ANXA7: variants seen among roughly 807,000 people sequenced by gnomAD.
The protein encoded by ANXA7 is annexin VII.
A neutral mutation model predicts 64.9 loss-of-function variants in ANXA7; 55 were observed. That is an observed-to-expected ratio of 0.85 (90% CI 0.68 to 1.06). The LOEUF is 1.06. Among genes scored for constraint, ANXA7 ranks in the 50% least tolerant of loss-of-function variants. The pLI, the probability that ANXA7 is intolerant of heterozygous loss-of-function variation, is 0.00. For synonymous variants in ANXA7, 200 were observed against 192.4 expected, an observed-to-expected ratio of 1.04 and a Z score of -0.33; for missense variants, 548 against 582.1, an observed-to-expected ratio of 0.94 and a Z score of 0.60.
chr10:73,408,239 G>A (rs1228715064), intron 1 of ANXA7: 1 of 151,972 alleles, frequency 6.6e-6, no homozygotes, highest in African/African-American at 2.4e-5. Flanking sequence ...AGAATTGCTT[G>A]AGGCCAGGAG....
intron 1 of ANXA7, 81 bp from the exon 2 acceptor site, chr10:73,400,938 C>CAAAA: frequency 7.2e-6 from 9 of 1,252,550 alleles, no homozygotes; most frequent in Non-Finnish European, 7.7e-6. Flanking sequence ...GACGGAGTCT[C>CAAAA]ACTCTGTCAC....
At chr10:73,378,112 C>T (rs1025414693) in intron 12 of ANXA7, among the ~76,000 whole-genome samples, 1 of 151,690 alleles carries the variant, frequency 6.6e-6, no homozygotes, top group East Asian at 2.0e-4. Flanking sequence ...TGGTGGCTCA[C>T]GCCTGTGATC....
At chr10:73,390,263 G>T in intron 5 of ANXA7, among the ~76,000 whole-genome samples, 1 of 152,140 alleles carries the variant, frequency 6.6e-6, no homozygotes, top group Non-Finnish European at 1.5e-5. Context: ...ACCAGCATTT[G>T]TGGGGGCAAA....
rs771810905 is a variant in ANXA7, at chr10:73,398,337, G to A, written c.103C>T (p.Pro35Ser). Residue 35 changes from proline to serine, a missense_variant, in exon 3 of 13, where the codon CCT becomes TCT. By Grantham distance (74) the Pro-to-Ser change is moderately conservative. Transcript: ENST00000372921. Reference protein sequence around the residue: ...SFPPSGQYPYPSGFPPMGGGA... With the variant: ...SFPPSGQYPYSSGFPPMGGGA... ...CCTCCCATTGGAGGAAAGCCACTAG[G>A]ATAAGGATACTGACCAGAAGGGGGA... is the stretch of plus-strand genomic sequence containing the variant. 4 of 1,614,066 alleles carry A rather than the reference G, an allele frequency of 2.5e-6. No homozygotes were observed. The highest frequency in any genetic ancestry group is 3.4e-6 in the Non-Finnish European group (4 of 1,180,018).
Position 73,379,029 on chromosome 10 carries a change from A to G in ANXA7, c.1166-6T>C. 1 of 1,586,952 alleles carries G rather than the reference A, an allele frequency of 6.3e-7. No homozygotes were observed. The highest frequency in any genetic ancestry group is 8.6e-7 in the Non-Finnish European group (1 of 1,162,846). ...GCGGTTCAGGGCACACTGCACTGCA[A>G]GTTAGAGATGGTTGAGACATGGAAT... On this transcript the variant is annotated splice_polypyrimidine_tract_variant and splice_region_variant and intron_variant, in intron 11 of 12. Transcript: ENST00000372921.
In ANXA7 at chr10:73,375,417, A is replaced by C. The variant is rs1486556856; in HGVS notation, c.*678T>G. 1 of 152,234 alleles carries C rather than the reference A, an allele frequency of 6.6e-6. No homozygotes were observed. The highest frequency in any genetic ancestry group is 1.9e-4 in the East Asian group (1 of 5,196). The allele number at this position is 152,234 out of a possible 1,614,324, so 9.4% of individuals were successfully genotyped here. A position where few individuals can be genotyped will look rare whatever the true frequency, so the allele number is the denominator to read the frequency against. ...GAATCATTACACAAGGAATGCTGATATCAAAACACCATATTGTACACCTTA... is the reference window on the plus strand; with the variant it reads ...GAATCATTACACAAGGAATGCTGATCTCAAAACACCATATTGTACACCTTA... On this transcript the variant is annotated 3_prime_UTR_variant, in exon 13 of 13. Transcript: ENST00000372921.
chr10:73,395,506 G>A (rs1368690599), intron 5 of ANXA7, among the ~76,000 whole-genome samples: 3 of 152,164 alleles, frequency 2.0e-5, no homozygotes, highest in Non-Finnish European at 2.9e-5. Context: ...AAGCCAGGCC[G>A]TGCGTGGTGG....
intron 1 of ANXA7, chr10:73,408,348 A>G (rs2055790525): frequency 6.6e-6 from 1 of 152,002 alleles, no homozygotes; most frequent in South Asian, 2.1e-4. Context: ...AAAGAAAAAG[A>G]AAAGTAGATA....
chr10:73,397,743 A>C (rs9971111), intron 3 of ANXA7, among the ~76,000 whole-genome samples: 23,010 of 152,166 alleles, frequency 0.15, 2,844 homozygotes, highest in African/African-American at 0.32. Flanking sequence ...CAGGTGTGAG[A>C]CACCACACCC....
intron 1 of ANXA7, among the ~76,000 whole-genome samples, chr10:73,412,327 G>A (rs930007954): frequency 1.3e-5 from 2 of 152,112 alleles, no homozygotes; most frequent in African/African-American, 2.4e-5. Flanking sequence ...CAGCCACTGC[G>A]CCCGGCCGAG....
intron 7 of ANXA7, among the ~76,000 whole-genome samples, chr10:73,386,503 T>C (rs2055372745): frequency 6.6e-6 from 1 of 152,110 alleles, no homozygotes; most frequent in Non-Finnish European, 1.5e-5. Flanking sequence ...AGCAGCTAAA[T>C]TCTGTCCAGA....
intron 3 of ANXA7, among the ~76,000 whole-genome samples, chr10:73,397,596 T>C (rs1415988450): frequency 6.6e-6 from 1 of 152,170 alleles, no homozygotes; most frequent in Non-Finnish European, 1.5e-5. Flanking sequence ...TAGGTGGGAT[T>C]ACAGGCATGC....
In ANXA7 at chr10:73,375,446, A is replaced by G. The variant is rs563813811; in HGVS notation, c.*649T>C. ...AAACACCATATTGTACACCTTAAAT[A>G]TATGCAATTTTTTATTTGTCATAAC... is the stretch of plus-strand genomic sequence containing the variant. On this transcript the variant is annotated 3_prime_UTR_variant, in exon 13 of 13. Coordinates refer to ENST00000372921, the MANE Select transcript of ANXA7 (RefSeq NM_001156.5). 4 of 152,326 alleles carry G rather than the reference A, an allele frequency of 2.6e-5. No homozygotes were observed. The highest frequency in any genetic ancestry group is 9.6e-5 in the African/African-American group (4 of 41,582). The allele number at this position is 152,326 out of a possible 1,614,324, so 9.4% of individuals were successfully genotyped here.
At position 73,398,385 on chromosome 10, in the gene ANXA7, G is replaced by C. The variant is rs756645622; in HGVS notation, c.55C>G (p.Pro19Ala). Residue 19 changes from proline (P) to alanine (A), a missense_variant and splice_region_variant, in exon 3 of 13, where the codon CCT becomes GCT. Pro to Ala is a conservative substitution (Grantham distance 27). Transcript: ENST00000372921. ...TGYPPFPGYP[P>A]AGQESSFPPS... is the part of the protein sequence containing the mutation. Reference sequence around the variant, plus strand: ...GGAAAAGATGACTCCTGACCTGCAGGCTGAAAAATCAGAATAATTTTTAAA... The same window carrying C: ...GGAAAAGATGACTCCTGACCTGCAGCCTGAAAAATCAGAATAATTTTTAAA... 8.7e-6 allele frequency: 14 copies of C among 1,607,818 alleles called. No individual in the cohort carries two copies. The highest frequency in any genetic ancestry group is 1.7e-4 in the Middle Eastern group (1 of 6,058).
In ANXA7 at chr10:73,383,337, T is replaced by C. The variant is rs776259280; in HGVS notation, c.756A>G (p.Gly252=). ...TCTCAATCAATACACGTTCCTGAGT[T>C]CCTGCTCCCTACATGAAATGAAGGG... ...WSLRKAMQGA[G]TQERVLIEIL... Residue 252 remains glycine, a synonymous_variant, in exon 9 of 13, where the codon GGA becomes GGG. Coordinates refer to ENST00000372921, the MANE Select transcript of ANXA7 (RefSeq NM_001156.5). 6.2e-7 allele frequency: 1 copy of C among 1,610,378 alleles called. No individual in the cohort carries two copies. Among genetic ancestry groups the C allele is most frequent in the Non-Finnish European group, 8.5e-7 (1 of 1,177,962 alleles).
In ANXA7 at chr10:73,396,518, C is replaced by T. The variant is rs2055578089; in HGVS notation, c.435+1G>A. On this transcript the variant is annotated splice_donor_variant, in intron 5 of 12. Transcript: ENST00000372921. LOFTEE classifies it high-confidence loss of function. ...GAGCTTAAAAGGTAGGAACAAAATA[C>T]CTGACTAGGGTAAGTAGGTTGTCCT... The T allele has an allele frequency of 1.2e-6, 2 of 1,607,336 alleles. No homozygotes were observed. Among genetic ancestry groups the T allele is most frequent in the East Asian group, 2.2e-5 (1 of 44,712 alleles).
Position 73,396,567 on chromosome 10 carries a change from T to C in ANXA7, c.387A>G (p.Gly129=). The stretch of plus-strand genomic sequence containing the variant: ...CTCCAGGATACTGAGAAGGCATCTG[T>C]CCTCCAGGAAAGCCACCTATAATGT... ...QVPLPGGFPG[G]QMPSQYPGGQ... Residue 129 remains glycine (G), a synonymous_variant, in exon 5 of 13, where the codon GGA becomes GGG. Transcript: ENST00000372921. 1 of 1,610,444 alleles carries C rather than the reference T, an allele frequency of 6.2e-7. No homozygotes were observed. The highest frequency in any genetic ancestry group is 1.1e-5 in the South Asian group (1 of 90,550).
chr10:73,376,349 A>G (rs2055171937), intron 12 of ANXA7, 132 bp from the exon 13 acceptor site: 2 of 845,874 alleles, frequency 2.4e-6, no homozygotes, highest in African/African-American at 3.5e-5. Flanking sequence ...CTGACATTTT[A>G]TGGCTGGCAC....
chr10:73,390,720 A>ATATATAT (rs1491310073), intron 5 of ANXA7, among the ~76,000 whole-genome samples: 15 of 112,590 alleles, frequency 1.3e-4, no homozygotes, highest in African/African-American at 6.3e-4. Context: ...ATATATATAT[A>ATATATAT]AAAATATATA....
Sources: allele counts gnomAD v4.1 joint callset (sites outside exome capture counted in the v4.1 genomes callset), GRCh38; gene constraint gnomAD v4.1.1; transcripts MANE v1.5; gene names NCBI Gene and HGNC (gene_info 2026-07-23, HGNC 2026-07-21).